C8orf34: variants seen among roughly 807,000 people sequenced by gnomAD.
C8orf34 encodes the protein uncharacterized protein C8orf34.
In C8orf34, 65 loss-of-function variants were observed where a neutral mutation model predicts 68.3. The observed-to-expected ratio is 0.95, with a 90% confidence interval of 0.78 to 1.17. The LOEUF is 1.17. Ranked by LOEUF, C8orf34 falls within the 50% of genes most tolerant of loss-of-function variation. The probability of loss-of-function intolerance (pLI) is 0.00; values close to 1 mark genes in which losing one functional copy is unlikely to be tolerated. For missense variants in C8orf34, 664 were observed against 655.4 expected (o/e 1.01, Z -0.14); for synonymous variants, 244 against 241.2 (o/e 1.01, Z -0.11).
At chr8:68,564,711 G>C (rs1209633311) in intron 7 of C8orf34, among the ~76,000 whole-genome samples, 6 of 152,184 alleles carry the variant, frequency 3.9e-5, no homozygotes, top group Admixed American at 3.9e-4. Context: ...AATGTCAGGT[G>C]ACGGGAAAGA....
chr8:68,348,824 G>T (rs1048430482), intron 1 of C8orf34, among the ~76,000 whole-genome samples: 1 of 152,076 alleles, frequency 6.6e-6, no homozygotes, highest in African/African-American at 2.4e-5. Flanking sequence ...TTTGTATCCT[G>T]CAACTTTGCT....
chr8:68,567,577 CTTTTTTTTTTTTTTTTTTT>C (rs1160845483), intron 7 of C8orf34, among the ~76,000 whole-genome samples: 1 of 29,780 alleles, frequency 3.4e-5, no homozygotes, highest in Non-Finnish European at 6.0e-5. Flanking sequence ...TTTCATTTAT[CTTTTTTTTTTTTTTTTTTT>C]TTTTTTTTTT....
At chr8:68,438,608 C>A (rs1023720108) in intron 1 of C8orf34, 13 of 152,066 alleles carry the variant, frequency 8.5e-5, no homozygotes, top group African/African-American at 2.9e-4. Flanking sequence ...AGGCTAAAAC[C>A]AACAAGATGA....
chr8:68,519,470 C>T (rs1444779116), intron 5 of C8orf34, among the ~76,000 whole-genome samples: 1 of 152,100 alleles, frequency 6.6e-6, no homozygotes, highest in African/African-American at 2.4e-5. Flanking sequence ...CAAAGCAGAG[C>T]CAGTTGAATT....
At chr8:68,814,151 GAACAGTGATGCTC>G (rs1338528176) in intron 12 of C8orf34, among the ~76,000 whole-genome samples, 1 of 152,128 alleles carries the variant, frequency 6.6e-6, no homozygotes, top group Middle Eastern at 3.2e-3. Flanking sequence ...GTGCTACACT[GAACAGTGATGCTC>G]AAAGTGAAGT....
intron 7 of C8orf34, among the ~76,000 whole-genome samples, chr8:68,566,758 T>C (rs1183162201): frequency 4.6e-5 from 7 of 152,244 alleles, no homozygotes; most frequent in Non-Finnish European, 1.0e-4. Context: ...CGTTGTGCTT[T>C]CTTATCATTC....
chr8:68,809,328 T>G (rs1297979222), intron 12 of C8orf34, among the ~76,000 whole-genome samples: 1 of 152,210 alleles, frequency 6.6e-6, no homozygotes, highest in Admixed American at 6.5e-5. Flanking sequence ...TTCTATGGCT[T>G]CTACATTCAA....
At chr8:68,774,255 C>T (rs1016667476) in intron 10 of C8orf34, among the ~76,000 whole-genome samples, 6 of 149,224 alleles carry the variant, frequency 4.0e-5, no homozygotes, top group Non-Finnish European at 5.9e-5. Context: ...GGTTAGTGTC[C>T]GAATGAGGGT....
intron 10 of C8orf34, among the ~76,000 whole-genome samples, chr8:68,728,761 A>C (rs987994153): frequency 6.6e-6 from 1 of 152,198 alleles, no homozygotes; most frequent in East Asian, 1.9e-4. Context: ...TGAGAGATAC[A>C]ATTCAAGTTG....
chr8:68,377,936 G>T (rs193240307), intron 1 of C8orf34, among the ~76,000 whole-genome samples: 6 of 152,108 alleles, frequency 3.9e-5, no homozygotes, highest in Non-Finnish European at 1.5e-5. Flanking sequence ...GGAAATGCCA[G>T]ATGCTTATGA....
intron 8 of C8orf34, among the ~76,000 whole-genome samples, chr8:68,694,266 T>C (rs1820764830): frequency 6.7e-6 from 1 of 150,358 alleles, no homozygotes; most frequent in Admixed American, 6.6e-5. Flanking sequence ...TGGGAATATT[T>C]TTTAAAAAGT....
chr8:68,647,935 C>T (rs1819228628), intron 8 of C8orf34, among the ~76,000 whole-genome samples: 2 of 152,088 alleles, frequency 1.3e-5, no homozygotes, highest in Admixed American at 6.5e-5. Context: ...AAATGTATGG[C>T]TAATAGATAA....
chr8:68,681,110 C>T (rs1820357329), intron 8 of C8orf34, among the ~76,000 whole-genome samples: 1 of 152,070 alleles, frequency 6.6e-6, no homozygotes, highest in African/African-American at 2.4e-5. Context: ...TGGTTGTCTT[C>T]CCTTGTTCCC....
At chr8:68,369,598 A>G (rs1807469107) in intron 1 of C8orf34, among the ~76,000 whole-genome samples, 1 of 152,162 alleles carries the variant, frequency 6.6e-6, no homozygotes, top group African/African-American at 2.4e-5. Flanking sequence ...TGCATTCTGG[A>G]TTGCCTCTCT....
intron 7 of C8orf34, among the ~76,000 whole-genome samples, chr8:68,575,170 A>G (rs1816865844): frequency 1.3e-5 from 2 of 152,102 alleles, no homozygotes; most frequent in African/African-American, 4.8e-5. Context: ...CAAGGATGTC[A>G]TAAGTTTATA....
chr8:68,552,241 C>T (rs1197558320), intron 7 of C8orf34, among the ~76,000 whole-genome samples: 1 of 152,140 alleles, frequency 6.6e-6, no homozygotes, highest in Non-Finnish European at 1.5e-5. Context: ...TCCTCAAAAA[C>T]ATCACCTCGA....
At chr8:68,417,687 A>T (rs966487419) in intron 1 of C8orf34, among the ~76,000 whole-genome samples, 1 of 152,170 alleles carries the variant, frequency 6.6e-6, no homozygotes, top group African/African-American at 2.4e-5. Flanking sequence ...TACCTGGTCA[A>T]AATAAAGAAA....
intron 7 of C8orf34, among the ~76,000 whole-genome samples, chr8:68,630,967 T>TTTA (rs34850011): frequency 0.1 from 13,983 of 136,010 alleles, 806 homozygotes; most frequent in Non-Finnish European, 0.13. Context: ...TTTTTTTTTT[T>TTTA]AAAAAACAGG....
intron 8 of C8orf34, among the ~76,000 whole-genome samples, chr8:68,690,489 C>T (rs1040324798): frequency 2.0e-5 from 3 of 151,954 alleles, no homozygotes; most frequent in Non-Finnish European, 2.9e-5. Flanking sequence ...AGTCCAAAAT[C>T]AAGGCGCCAG....
Sources: allele counts gnomAD v4.1 joint callset (sites outside exome capture counted in the v4.1 genomes callset), GRCh38; gene constraint gnomAD v4.1.1; transcripts MANE v1.5; gene names NCBI Gene and HGNC (gene_info 2026-07-23, HGNC 2026-07-21).